CEP128: variants seen among roughly 807,000 people sequenced by gnomAD.
CEP128 encodes centrosomal protein 128, also known as centrosomal protein 128kDa.
Under a neutral mutation model 156.7 loss-of-function variants are expected in CEP128, and 132 were observed. The ratio of observed to expected loss-of-function variants is 0.84; its 90% CI spans 0.73 to 0.97. CEP128 has a LOEUF of 0.97. CEP128 is among the 50% of genes least tolerant of loss of function. The pLI is 0.00. For missense variants in CEP128, 1,252 were observed against 1,281.9 expected (o/e 0.98, Z 0.36); for synonymous variants, 469 against 448.9 (o/e 1.04, Z -0.57).
chr14:80,564,609 T>C (rs940637988), intron 20 of CEP128, among the ~76,000 whole-genome samples: 2 of 152,252 alleles, frequency 1.3e-5, no homozygotes, highest in Non-Finnish European at 2.9e-5. Flanking sequence ...GAAGCTGTCC[T>C]TGTTCACTCC....
chr14:80,844,044 T>C (rs531329441), intron 9 of CEP128, among the ~76,000 whole-genome samples: 2 of 152,180 alleles, frequency 1.3e-5, no homozygotes, highest in East Asian at 3.9e-4. Flanking sequence ...ATTTCTAAAT[T>C]ATGCTTTTTC....
intron 13 of CEP128, among the ~76,000 whole-genome samples, chr14:80,818,113 G>A (rs892475381): frequency 2.0e-5 from 3 of 152,108 alleles, no homozygotes; most frequent in Admixed American, 2.0e-4. Flanking sequence ...TCAACCTCTT[G>A]GGCTCAAGTG....
At chr14:80,828,824 G>A (rs1461759106) in intron 13 of CEP128, among the ~76,000 whole-genome samples, 1 of 152,160 alleles carries the variant, frequency 6.6e-6, no homozygotes, top group Non-Finnish European at 1.5e-5. Context: ...TCTTGGGCCT[G>A]ACCAATGATC....
chr14:80,652,278 C>A (rs971844614), intron 19 of CEP128, among the ~76,000 whole-genome samples: 7 of 152,062 alleles, frequency 4.6e-5, no homozygotes, highest in Non-Finnish European at 8.8e-5. Flanking sequence ...AGGACACAGG[C>A]ATGGGCAAAG....
At chr14:80,565,513 C>T (rs58877537) in intron 20 of CEP128, among the ~76,000 whole-genome samples, 21,611 of 152,136 alleles carry the variant, frequency 0.14, 1,589 homozygotes, top group South Asian at 0.23. Context: ...CACAATTCCC[C>T]TGTCTTGATA....
At chr14:80,821,602 CACACACACACACACACA>C (rs1885181370) in intron 13 of CEP128, among the ~76,000 whole-genome samples, 1 of 18,640 alleles carries the variant, frequency 5.4e-5, no homozygotes, top group Non-Finnish European at 9.6e-5. Flanking sequence ...TACACACATA[CACACACACACACACACA>C]CACACACACA....
chr14:80,554,964 T>C (rs1890367628), intron 21 of CEP128, among the ~76,000 whole-genome samples: 1 of 152,126 alleles, frequency 6.6e-6, no homozygotes, highest in Non-Finnish European at 1.5e-5. Context: ...AACAGAATGT[T>C]TCAGTAACTA....
chr14:80,886,376 G>C (rs1293060018), intron 8 of CEP128, among the ~76,000 whole-genome samples: 4 of 152,206 alleles, frequency 2.6e-5, no homozygotes, highest in Non-Finnish European at 5.9e-5. Flanking sequence ...AGAGCAGCCA[G>C]AGAGAAAGGT....
At chr14:80,702,152 C>A (rs184948549) in intron 19 of CEP128, among the ~76,000 whole-genome samples, 12 of 152,204 alleles carry the variant, frequency 7.9e-5, no homozygotes, top group Admixed American at 1.3e-4. Context: ...CTGTCTCCTG[C>A]CAATAGAATG....
intron 6 of CEP128, among the ~76,000 whole-genome samples, chr14:80,902,553 G>C (rs1316378965): frequency 6.6e-6 from 1 of 152,150 alleles, no homozygotes; most frequent in Non-Finnish European, 1.5e-5. Context: ...TCAAAGTGCA[G>C]AACTCCCCCA....
intron 23 of CEP128, among the ~76,000 whole-genome samples, chr14:80,518,242 C>A (rs1021324037): frequency 2.6e-5 from 4 of 151,296 alleles, no homozygotes; most frequent in Non-Finnish European, 5.9e-5. Context: ...TTTTAGTGAG[C>A]TCTCTTTACT....
Position 80,525,887 on chromosome 14 carries a change from C to T in CEP128, c.3072+982G>A, listed in dbSNP as rs139977476. On this transcript the variant is annotated intron_variant, in intron 23 of 24. Coordinates refer to ENST00000555265, the MANE Select transcript of CEP128 (RefSeq NM_152446.5). The stretch of plus-strand genomic sequence containing the variant: ...AATTACATTCAGAGGAGGAAAGACG[C>T]TTCTTAGAATTAATTATATTTCACT... Among the ~76,000 whole-genome samples the T allele has an allele frequency of 7.1e-3, 1,079 of 152,178 alleles. 8 individuals carry two copies. The highest frequency in any genetic ancestry group is 0.034 in the Middle Eastern group (10 of 294).
intron 1 of CEP128, among the ~76,000 whole-genome samples, chr14:80,940,645 G>T (rs1886096481): frequency 6.7e-6 from 1 of 149,690 alleles, no homozygotes; most frequent in South Asian, 2.1e-4. Flanking sequence ...CGCCACTGCA[G>T]TCCAGCCTGG....
chr14:80,844,441 T>C (rs1021562742), intron 9 of CEP128, among the ~76,000 whole-genome samples: 4 of 152,096 alleles, frequency 2.6e-5, no homozygotes, highest in Admixed American at 6.6e-5. Context: ...TCAATATTGA[T>C]ACTATTATGA....
downstream of CEP128, among the ~76,000 whole-genome samples, chr14:80,492,968 A>T (rs569291061): frequency 3.3e-5 from 5 of 152,058 alleles, no homozygotes; most frequent in South Asian, 4.2e-4. Context: ...TTCTTTTAAA[A>T]ATATATATAT....
At chr14:80,505,866 A>G (rs1887948352) in intron 23 of CEP128, among the ~76,000 whole-genome samples, 1 of 152,182 alleles carries the variant, frequency 6.6e-6, no homozygotes, top group African/African-American at 2.4e-5. Flanking sequence ...CATTCACAAT[A>G]ATTTATTGGG....
chr14:80,575,569 T>C (rs1044131132), intron 20 of CEP128, among the ~76,000 whole-genome samples: 1 of 152,122 alleles, frequency 6.6e-6, no homozygotes, highest in Non-Finnish European at 1.5e-5. Context: ...AGAAGCCCGA[T>C]GGGGGCAGAG....
intron 9 of CEP128, among the ~76,000 whole-genome samples, chr14:80,852,338 A>G (rs919409972): frequency 6.6e-6 from 1 of 151,986 alleles, no homozygotes; most frequent in Non-Finnish European, 1.5e-5. Context: ...AGAAAATTGT[A>G]ACAAATTATA....
intron 8 of CEP128, among the ~76,000 whole-genome samples, chr14:80,865,870 T>A (rs1158032275): frequency 6.6e-6 from 1 of 152,030 alleles, no homozygotes; most frequent in Admixed American, 6.5e-5. Flanking sequence ...ATCCTGACAA[T>A]GGCTTGTCAT....
Sources: allele counts gnomAD v4.1 joint callset (sites outside exome capture counted in the v4.1 genomes callset), GRCh38; gene constraint gnomAD v4.1.1; transcripts MANE v1.5; gene names NCBI Gene and HGNC (gene_info 2026-07-23, HGNC 2026-07-21).